The following CAPS2 variants were observed in gnomAD, a reference collection of about 807,000 sequenced individuals.
The protein encoded by CAPS2 is calcyphosin-2.
In CAPS2, 98 loss-of-function variants were observed where a neutral mutation model predicts 86.5. The observed-to-expected ratio is 1.13, with a 90% CI of 0.96 to 1.34. The LOEUF is 1.34. Among genes scored for constraint, CAPS2 ranks in the 40% most tolerant of loss-of-function variants. The pLI is 0.00. For synonymous variants in CAPS2, 210 were observed against 225.1 expected, an observed-to-expected ratio of 0.93 and a Z score of 0.60; for missense variants, 729 against 686.8, an observed-to-expected ratio of 1.06 and a Z score of -0.69.
At chr12:75,289,632 C>T (rs112805358) in exon 14 of CAPS2, 1 of 1,612,238 alleles carries the variant, frequency 6.2e-7, no homozygotes, top group Non-Finnish European at 8.5e-7. Flanking sequence ...TTTTCAGACA[C>T]TTCTAAGTGA....
intron 11 of CAPS2, 114 bp from the exon 12 acceptor site, chr12:75,293,481 G>A: frequency 2.8e-6 from 2 of 707,498 alleles, no homozygotes; most frequent in Non-Finnish European, 2.4e-6. Flanking sequence ...CTTTAACAAG[G>A]GTAAGAAGTA....
At position 75,278,890 on chromosome 12, in the gene CAPS2, C is replaced by CT; in HGVS notation, c.1787dup (p.Ter596=). The change falls in exon 17 of 17, where the codon TAG becomes TAAG. Residue 596 remains the stop codon, a frameshift_variant and stop_retained_variant. Transcript: ENST00000393284. LOFTEE classifies it high-confidence loss of function. ...TTGATGACATATGTATTATTAAAGA[C>CT]TAAATCCCCCATGGAGTACGTAAGA... 1.9e-6 allele frequency: 3 copies of CT among 1,553,452 alleles called. No homozygotes were observed. Among genetic ancestry groups the CT allele is most frequent in the Non-Finnish European group, 2.6e-6 (3 of 1,156,926 alleles).
At chr12:75,277,120 A>G (rs574586740), downstream of CAPS2, 1 of 983,822 alleles carries the variant, frequency 1.0e-6, no homozygotes, top group Admixed American at 6.2e-5. Context: ...CCTACAAATA[A>G]CCACATGTGA....
At chr12:75,293,172 G>C in intron 12 of CAPS2, 77 bp downstream of exon 12, 1 of 883,798 alleles carries the variant, frequency 1.1e-6, no homozygotes, top group Non-Finnish European at 1.8e-6. Flanking sequence ...ATACCTTATA[G>C]TAGAATGTCA....
chr12:75,368,423 C>A (rs992036656), intron 1 of CAPS2, among the ~76,000 whole-genome samples: 1 of 150,392 alleles, frequency 6.6e-6, no homozygotes, highest in Non-Finnish European at 1.5e-5. Context: ...CTTAATGTTG[C>A]AAACTGTATC....
In CAPS2 at chr12:75,279,076, G is replaced by T; in HGVS notation, c.1613-11C>A. On this transcript the variant is annotated splice_polypyrimidine_tract_variant and intron_variant, in intron 16 of 16. Coordinates refer to ENST00000393284, the Ensembl canonical transcript of CAPS2. ...CCTCTGTTGAATGGCCTATAAAATA[G>T]TACTGAGTATGAAACAGTTTCCTGA... The T allele has an allele frequency of 6.4e-7, 1 of 1,560,980 alleles. No individual in the cohort carries two copies. The highest frequency in any genetic ancestry group is 8.6e-7 in the Non-Finnish European group (1 of 1,159,046).
chr12:75,348,871 C>G (rs1307454105), intron 1 of CAPS2, among the ~76,000 whole-genome samples: 1 of 152,124 alleles, frequency 6.6e-6, no homozygotes, highest in African/African-American at 2.4e-5. Context: ...GCCGTGATCT[C>G]TGAAAAATAA....
intron 1 of CAPS2, among the ~76,000 whole-genome samples, chr12:75,383,181 AT>A (rs1428369637): frequency 1.3e-5 from 2 of 152,180 alleles, no homozygotes; most frequent in South Asian, 2.1e-4. Flanking sequence ...ATGCATTAAA[AT>A]TTTTTTATAT....
chr12:75,343,873 A>G, intron 1 of CAPS2: 1 of 1,611,362 alleles, frequency 6.2e-7, no homozygotes, highest in Non-Finnish European at 8.5e-7. Context: ...GGCTTGGTAT[A>G]ATGAAACCCA....
intron 1 of CAPS2, chr12:75,366,794 G>A: frequency 1.4e-6 from 1 of 691,872 alleles, no homozygotes; most frequent in Admixed American, 2.0e-5. Flanking sequence ...TCTCTTCAGA[G>A]GTCTATCACC....
At chr12:75,366,696 G>A in intron 1 of CAPS2, 2 of 482,406 alleles carry the variant, frequency 4.1e-6, no homozygotes, top group Non-Finnish European at 7.4e-6. Context: ...GGGTTTTTTT[G>A]TGTTGCAGAT....
chr12:75,383,260 C>A (rs2045101974), intron 1 of CAPS2, among the ~76,000 whole-genome samples: 2 of 152,108 alleles, frequency 1.3e-5, no homozygotes, highest in South Asian at 4.1e-4. Flanking sequence ...ACATTGTCAG[C>A]AAACCCCACT....
At chr12:75,319,905 G>A (rs1263413398) in intron 5 of CAPS2, among the ~76,000 whole-genome samples, 1 of 151,996 alleles carries the variant, frequency 6.6e-6, no homozygotes, top group Non-Finnish European at 1.5e-5. Flanking sequence ...TTATATAGCA[G>A]TTTTGATTCT....
intron 1 of CAPS2, among the ~76,000 whole-genome samples, chr12:75,366,173 G>C (rs941911151): frequency 3.3e-5 from 5 of 152,098 alleles, no homozygotes; most frequent in African/African-American, 4.8e-5. Flanking sequence ...CTTTAAGCCA[G>C]TTTGGTACCT....
At chr12:75,276,012 A>T (rs984076708), downstream of CAPS2, 2 of 455,396 alleles carry the variant, frequency 4.4e-6, no homozygotes, top group African/African-American at 4.1e-5. Context: ...TATTAAGTAC[A>T]TCCAAGAAAT....
intron 1 of CAPS2, among the ~76,000 whole-genome samples, chr12:75,388,266 T>A (rs1351281996): frequency 6.6e-6 from 1 of 152,176 alleles, no homozygotes. Context: ...TTGCGAGGGC[T>A]CCCAGCCATG....
intron 1 of CAPS2, among the ~76,000 whole-genome samples, chr12:75,376,589 G>A (rs1481632295): frequency 1.3e-5 from 2 of 152,168 alleles, no homozygotes; most frequent in African/African-American, 4.8e-5. Flanking sequence ...TGGCAGTATG[G>A]ATGCGAGAAG....
At chr12:75,387,844 T>C (rs1231037017) in intron 1 of CAPS2, among the ~76,000 whole-genome samples, 1 of 152,182 alleles carries the variant, frequency 6.6e-6, no homozygotes, top group East Asian at 1.9e-4. Flanking sequence ...AGTTTCAACA[T>C]GAATTTTGAA....
At position 75,304,824 on chromosome 12, in the gene CAPS2, CA is replaced by C; in HGVS notation, c.711del (p.Ser237ArgfsTer10). On this transcript the variant is annotated frameshift_variant, in exon 8 of 17. Coordinates refer to ENST00000393284, the Ensembl canonical transcript of CAPS2. LOFTEE classifies it high-confidence loss of function. The stretch of plus-strand genomic sequence containing the variant: ...ATCTTTGAATCTGGAAGGATATGAT[CA>C]CTTTCTTTTTGCTCAATGGCTAAAT... The C allele has an allele frequency of 6.2e-6, 10 of 1,611,840 alleles. No individual in the cohort carries two copies. Among genetic ancestry groups the C allele is most frequent in the Non-Finnish European group, 7.6e-6 (9 of 1,179,004 alleles).
Sources: gnomAD v4.1 joint callset for allele counts (sites outside exome capture counted in the v4.1 genomes callset) on GRCh38, gnomAD v4.1.1 for gene constraint, MANE v1.5 for transcripts, NCBI Gene and HGNC (gene_info 2026-07-23, HGNC 2026-07-21) for gene names.